Variants in FBXW7 observed in about 807,000 individuals in gnomAD.
FBXW7 encodes the protein F-box and WD repeat domain containing 7.
A neutral mutation model predicts 86.3 loss-of-function variants in FBXW7; 11 were observed. The observed-to-expected ratio is 0.13, with a 90% CI of 0.08 to 0.21. The LOEUF is 0.21. Among genes scored for constraint, FBXW7 ranks in the 10% least tolerant of loss-of-function variants. FBXW7 has a pLI of 1.00. For synonymous variants in FBXW7, 313 were observed against 297.9 expected (o/e 1.05, Z -0.52); for missense variants, 488 against 847.4 (o/e 0.58, Z 5.27).
intron 2 of FBXW7, among the ~76,000 whole-genome samples, chr4:152,418,773 T>TA (rs948398605): frequency 3.3e-5 from 5 of 152,280 alleles, no homozygotes; most frequent in Non-Finnish European, 5.9e-5. Flanking sequence ...AATCTTTTTT[T>TA]ATTCAGCAAA....
chr4:152,327,034 G>A (rs1340841566), intron 11 of FBXW7, among the ~76,000 whole-genome samples: 1 of 152,032 alleles, frequency 6.6e-6, no homozygotes, highest in African/African-American at 2.4e-5. Context: ...TACAAATACT[G>A]TAATCACTTT....
intron 2 of FBXW7, among the ~76,000 whole-genome samples, chr4:152,465,178 G>A (rs527254126): frequency 2.8e-4 from 43 of 151,516 alleles, no homozygotes; most frequent in African/African-American, 9.9e-4. Context: ...GGTTTAAAGG[G>A]TACTTACCTT....
At chr4:152,412,992 C>A (rs958802057) in intron 2 of FBXW7, among the ~76,000 whole-genome samples, 1 of 151,868 alleles carries the variant, frequency 6.6e-6, no homozygotes, top group Non-Finnish European at 1.5e-5. Flanking sequence ...ACATTTTATC[C>A]TTTGCTGGTA....
chr4:152,329,382 G>A (rs1023624969), intron 10 of FBXW7, among the ~76,000 whole-genome samples: 1 of 151,750 alleles, frequency 6.6e-6, no homozygotes, highest in African/African-American at 2.4e-5. Flanking sequence ...GAAAAATTGA[G>A]CCAAGAAAAA....
intron 11 of FBXW7, among the ~76,000 whole-genome samples, chr4:152,327,712 A>C (rs1182980118): frequency 6.6e-6 from 1 of 152,062 alleles, no homozygotes; most frequent in Non-Finnish European, 1.5e-5. Flanking sequence ...AAAACATAAG[A>C]TAACCAAGTT....
At chr4:152,520,212 T>A in intron 2 of FBXW7, among the ~76,000 whole-genome samples, 1 of 151,864 alleles carries the variant, frequency 6.6e-6, no homozygotes, top group Non-Finnish European at 1.5e-5. Context: ...GGCGGGTGGA[T>A]CATGAGGTCA....
At chr4:152,445,910 T>TAAAAAAAAA (rs11457603) in intron 2 of FBXW7, among the ~76,000 whole-genome samples, 6 of 100,678 alleles carry the variant, frequency 6.0e-5, no homozygotes, top group African/African-American at 1.5e-4. Context: ...ACTCTGTCTT[T>TAAAAAAAAA]AAAAAAAAAA....
intron 2 of FBXW7, among the ~76,000 whole-genome samples, chr4:152,507,497 T>G (rs17277029): frequency 0.088 from 13,336 of 152,276 alleles, 777 homozygotes; most frequent in Middle Eastern, 0.15. Context: ...CTGCTACAAA[T>G]TAAACAGTCT....
In FBXW7 at chr4:152,322,658, TG is replaced by T; in HGVS notation, c.*222del. 1 of 666,212 alleles carries T rather than the reference TG, an allele frequency of 1.5e-6. No homozygotes were observed. Among genetic ancestry groups the T allele is most frequent in the Non-Finnish European group, 2.3e-6 (1 of 428,838 alleles). The allele number at this position is 666,212 out of a possible 1,614,324, so 41.3% of individuals were successfully genotyped here. A position where few individuals can be genotyped will look rare whatever the true frequency, so the allele number is the denominator to read the frequency against. ...CCTCAGTCAAAAGTGAAGCCTTTTATGTGATGAGACAGCAGACGCCTCTCTT... is the reference window on the plus strand; with the variant it reads ...CCTCAGTCAAAAGTGAAGCCTTTTATTGATGAGACAGCAGACGCCTCTCTT... On this transcript the variant is annotated 3_prime_UTR_variant, in exon 14 of 14. Coordinates refer to ENST00000281708, the MANE Select transcript of FBXW7 (RefSeq NM_001349798.2).
intron 4 of FBXW7, among the ~76,000 whole-genome samples, chr4:152,400,081 G>C (rs1202409551): frequency 1.3e-5 from 2 of 152,202 alleles, no homozygotes; most frequent in Admixed American, 6.5e-5. Flanking sequence ...CCAAGACAGT[G>C]TGGTATTGGT....
At chr4:152,464,067 C>T (rs1390935883) in intron 2 of FBXW7, among the ~76,000 whole-genome samples, 1 of 152,148 alleles carries the variant, frequency 6.6e-6, no homozygotes, top group Non-Finnish European at 1.5e-5. Context: ...GAAATAATAG[C>T]ATGTTTACGG....
chr4:152,535,378 G>A lies in FBXW7; in HGVS notation c.-464C>T, dbSNP rs2149757241. The A allele has an allele frequency of 5.2e-6, 2 of 381,702 alleles. No individual in the cohort carries two copies. The highest frequency in any genetic ancestry group is 9.3e-6 in the Non-Finnish European group (2 of 215,498). 23.6% of individuals were successfully genotyped at this position (381,702 alleles called of 1,614,324 possible). ...CCGGGGGGCCGGCGACTGGCCAAGG[G>A]AGAAGACCCCCGGAGGGGGCTGAGG... On this transcript the variant is annotated 5_prime_UTR_variant, in exon 1 of 14. Transcript: ENST00000281708.
chr4:152,529,100 T>C (rs181889022), intron 2 of FBXW7, among the ~76,000 whole-genome samples: 1 of 152,326 alleles, frequency 6.6e-6, no homozygotes, highest in East Asian at 1.9e-4. Context: ...CATTTTTCCC[T>C]GGTCCACTCA....
At position 152,403,452 on chromosome 4, in the gene FBXW7, T is replaced by C. The variant is rs186543521; in HGVS notation, c.501+7851A>G. Among the ~76,000 whole-genome samples, 17 of 147,412 alleles carry C rather than the reference T, an allele frequency of 1.2e-4. No homozygotes were observed. The South Asian group carries it at 1.7e-3, about 15-fold the overall frequency. ...GAGATTGCACCACTGCACTCCAGCCTGGGCAACAGAGCCAGACTTCATCTC... is the reference window on the plus strand; with the variant it reads ...GAGATTGCACCACTGCACTCCAGCCCGGGCAACAGAGCCAGACTTCATCTC... On this transcript the variant is annotated intron_variant, in intron 4 of 13. Coordinates refer to ENST00000281708, the MANE Select transcript of FBXW7 (RefSeq NM_001349798.2).
At chr4:152,450,205 T>A (rs1048640044) in intron 2 of FBXW7, among the ~76,000 whole-genome samples, 2 of 152,178 alleles carry the variant, frequency 1.3e-5, no homozygotes, top group African/African-American at 2.4e-5. Flanking sequence ...TTCAATTTTT[T>A]AAAAATCCTT....
intron 2 of FBXW7, among the ~76,000 whole-genome samples, chr4:152,485,313 C>A (rs570906857): frequency 6.6e-6 from 1 of 152,018 alleles, no homozygotes; most frequent in African/African-American, 2.4e-5. Context: ...ATTAAAATAA[C>A]TATAAGCATA....
chr4:152,324,477 G>T (rs1560756307), intron 12 of FBXW7, 83 bp from the exon 13 acceptor site: 1 of 1,134,890 alleles, frequency 8.8e-7, no homozygotes. Context: ...AGGAAAGGGG[G>T]AAGAGGATGG....
At chr4:152,404,067 A>C (rs1291038529) in intron 4 of FBXW7, among the ~76,000 whole-genome samples, 1 of 152,206 alleles carries the variant, frequency 6.6e-6, no homozygotes, top group East Asian at 1.9e-4. Flanking sequence ...AGAGATGTGA[A>C]GAATCAGTTA....
chr4:152,524,037 A>G (rs1484551067), intron 2 of FBXW7, among the ~76,000 whole-genome samples: 3 of 152,226 alleles, frequency 2.0e-5, no homozygotes, highest in Non-Finnish European at 4.4e-5. Flanking sequence ...CAGAAATAAC[A>G]ATAACTTAAT....
Sources: gnomAD v4.1 joint callset for allele counts (sites outside exome capture counted in the v4.1 genomes callset) on GRCh38, gnomAD v4.1.1 for gene constraint, MANE v1.5 for transcripts, NCBI Gene and HGNC (gene_info 2026-07-23, HGNC 2026-07-21) for gene names.